PLEKHM3: variants seen among roughly 807,000 people sequenced by gnomAD.
The protein encoded by PLEKHM3 is pleckstrin homology domain containing M3, also known as pleckstrin homology domain-containing family M member 3.
In PLEKHM3, 45 loss-of-function variants were observed where a neutral mutation model predicts 81.8. The ratio of observed to expected loss-of-function variants is 0.55; its 90% confidence interval spans 0.43 to 0.71. The LOEUF (loss-of-function observed/expected upper bound fraction) is 0.71. Ranked by LOEUF, PLEKHM3 falls within the 30% of genes least tolerant of loss-of-function variation. The pLI, the probability that PLEKHM3 is intolerant of heterozygous loss-of-function variation, is 0.00. For synonymous variants in PLEKHM3, 352 were observed against 356.4 expected, an observed-to-expected ratio of 0.99 and a Z score of 0.14; for missense variants, 788 against 924.3, an observed-to-expected ratio of 0.85 and a Z score of 1.91.
chr2:207,918,567 C>A, intron 5 of PLEKHM3, among the ~76,000 whole-genome samples: 1 of 151,752 alleles, frequency 6.6e-6, no homozygotes, highest in Admixed American at 6.6e-5. Flanking sequence ...AACAAACAAA[C>A]AAAAAACCAC....
rs79077859 is a variant in PLEKHM3, at chr2:207,891,722, T to C, written c.1950+16792A>G. Among the ~76,000 whole-genome samples the C allele has an allele frequency of 2.2e-3, 338 of 152,330 alleles. 2 individuals carry two copies. The highest frequency in any genetic ancestry group is 7.6e-3 in the African/African-American group (318 of 41,582). On this transcript the variant is annotated intron_variant, in intron 6 of 7. Transcript: ENST00000427836. ...TTTGAATGAACAGATAGCCCCCTTT[T>C]AGTTCATTCTTACCCTCACCACCTC...
Position 207,987,299 on chromosome 2 carries a change from C to A in PLEKHM3, c.611-9713G>T, listed in dbSNP as rs192115653. ...CTCCCTCCTCTAAGGCTGCACACTT[C>A]TCCAAGGTTAGTTACAACCTCTAGG... On this transcript the variant is annotated intron_variant, in intron 2 of 7. Transcript: ENST00000427836. 2.4e-3 allele frequency among the ~76,000 whole-genome samples: 370 copies of A among 152,260 alleles called. 2 individuals are homozygous for A. Among genetic ancestry groups the A allele is most frequent in the African/African-American group, 8.4e-3 (347 of 41,554 alleles).
intron 3 of PLEKHM3, among the ~76,000 whole-genome samples, chr2:207,972,983 A>C (rs1201643527): frequency 6.6e-6 from 1 of 152,248 alleles, no homozygotes; most frequent in Non-Finnish European, 1.5e-5. Context: ...TCCACTTCTA[A>C]AGTTTATTCA....
chr2:207,885,832 AGAGTTTCATAAGCAG>A (rs1185680446), intron 6 of PLEKHM3, among the ~76,000 whole-genome samples: 1 of 152,224 alleles, frequency 6.6e-6, no homozygotes, highest in African/African-American at 2.4e-5. Context: ...TAGACATAAG[AGAGTTTCATAAGCAG>A]GAACTTTTTA....
At chr2:207,932,220 T>A (rs75359023) in intron 4 of PLEKHM3, among the ~76,000 whole-genome samples, 1 of 152,328 alleles carries the variant, frequency 6.6e-6, no homozygotes, top group East Asian at 1.9e-4. Flanking sequence ...CTATGAAAGT[T>A]CATTTTATAA....
At chr2:207,974,874 C>T (rs1410078873) in intron 3 of PLEKHM3, among the ~76,000 whole-genome samples, 1 of 151,514 alleles carries the variant, frequency 6.6e-6, no homozygotes, top group Non-Finnish European at 1.5e-5. Flanking sequence ...CTCTGTCAAC[C>T]AGGCTGGAGT....
intron 5 of PLEKHM3, 97 bp from the exon 6 acceptor site, chr2:207,908,674 G>T: frequency 9.3e-7 from 1 of 1,076,698 alleles, no homozygotes; most frequent in Non-Finnish European, 1.4e-6. Flanking sequence ...CCTTTCCTCT[G>T]CCCTGTCCAC....
intron 3 of PLEKHM3, among the ~76,000 whole-genome samples, chr2:207,975,899 A>ATT (rs3057251): frequency 0.15 from 21,467 of 139,982 alleles, 2,865 homozygotes; most frequent in African/African-American, 0.36. Flanking sequence ...ACCTGGCACA[A>ATT]TTTTTTTTTT....
chr2:208,020,411 G>T (rs1380007507), intron 1 of PLEKHM3, among the ~76,000 whole-genome samples: 1 of 152,154 alleles, frequency 6.6e-6, no homozygotes, highest in Non-Finnish European at 1.5e-5. Flanking sequence ...TTTGGTTTTT[G>T]CTCATAACTC....
chr2:207,994,458 C>A (rs1020265202), intron 2 of PLEKHM3, among the ~76,000 whole-genome samples: 2 of 151,518 alleles, frequency 1.3e-5, no homozygotes, highest in Non-Finnish European at 2.9e-5. Context: ...TGTCTTTATA[C>A]AACTAAGAGC....
chr2:207,957,090 A>G (rs1272597612), intron 3 of PLEKHM3, among the ~76,000 whole-genome samples: 3 of 152,172 alleles, frequency 2.0e-5, no homozygotes, highest in South Asian at 4.1e-4. Context: ...TGATGTTTCA[A>G]GCCTGTGACT....
At chr2:207,945,152 C>A (rs747528227) in intron 4 of PLEKHM3, among the ~76,000 whole-genome samples, 2 of 152,208 alleles carry the variant, frequency 1.3e-5, no homozygotes, top group Non-Finnish European at 2.9e-5. Flanking sequence ...CTATCAGCAT[C>A]TGTCACAATT....
At chr2:208,000,443 A>G (rs1021553394) in intron 2 of PLEKHM3, among the ~76,000 whole-genome samples, 1 of 152,132 alleles carries the variant, frequency 6.6e-6, no homozygotes, top group Admixed American at 6.5e-5. Flanking sequence ...CTGTCCTTTT[A>G]CGGTCACTGC....
chr2:207,915,848 T>C (rs1688974736), intron 5 of PLEKHM3, among the ~76,000 whole-genome samples: 1 of 152,210 alleles, frequency 6.6e-6, no homozygotes, highest in African/African-American at 2.4e-5. Flanking sequence ...AGGTAATTTA[T>C]ATTAAGTTGA....
At chr2:207,973,113 A>G (rs1463007585) in intron 3 of PLEKHM3, among the ~76,000 whole-genome samples, 1 of 152,252 alleles carries the variant, frequency 6.6e-6, no homozygotes, top group Non-Finnish European at 1.5e-5. Context: ...GCCAAAACTC[A>G]TCAAAAACAA....
chr2:207,972,511 C>T (rs1691159925), intron 3 of PLEKHM3, among the ~76,000 whole-genome samples: 1 of 150,706 alleles, frequency 6.6e-6, no homozygotes, highest in Non-Finnish European at 1.5e-5. Context: ...CACTTGAACC[C>T]AGGAGGCGGA....
intron 2 of PLEKHM3, among the ~76,000 whole-genome samples, chr2:207,978,416 C>A (rs769675457): frequency 2.0e-5 from 3 of 151,366 alleles, no homozygotes; most frequent in African/African-American, 7.3e-5. Flanking sequence ...CAAGAGAGAA[C>A]GTGCCTTCCG....
At position 207,923,905 on chromosome 2, in the gene PLEKHM3, A is replaced by ATT. The variant is rs869041855; in HGVS notation, c.1886+7019_1886+7020dup. ...CATATATATATATATATATATATATATTTTTTTTTTTTTTTTTTTCTGAGG... is the reference window on the plus strand; with the variant it reads ...CATATATATATATATATATATATATATTTTTTTTTTTTTTTTTTTTTCTGAGG... On this transcript the variant is annotated intron_variant, in intron 5 of 7. Coordinates refer to ENST00000427836, the MANE Select transcript of PLEKHM3 (RefSeq NM_001080475.3). Among the ~76,000 whole-genome samples the ATT allele has an allele frequency of 5.8e-3, 165 of 28,326 alleles. 3 individuals are homozygous for ATT. The highest frequency in any genetic ancestry group is 7.5e-3 in the Non-Finnish European group (116 of 15,528). The allele number at this position is 28,326 out of a possible 152,430, so 18.6% of individuals were successfully genotyped here. A position where few individuals can be genotyped will look rare whatever the true frequency, so the allele number is the denominator to read the frequency against.
intron 6 of PLEKHM3, among the ~76,000 whole-genome samples, chr2:207,896,138 T>C (rs1688215374): frequency 6.6e-6 from 1 of 152,214 alleles, no homozygotes; most frequent in African/African-American, 2.4e-5. Flanking sequence ...CTTCTCGAGC[T>C]CTATAAAATC....
Sources: allele counts gnomAD v4.1 joint callset (sites outside exome capture counted in the v4.1 genomes callset), GRCh38; gene constraint gnomAD v4.1.1; transcripts MANE v1.5; gene names NCBI Gene and HGNC (gene_info 2026-07-23, HGNC 2026-07-21).